C1QL2: variants seen among roughly 807,000 people sequenced by gnomAD.
C1QL2 encodes complement C1q-like protein 2.
C1QL2 carries 13 observed loss-of-function variants against 16.6 expected under a neutral mutation model. The observed-to-expected ratio is 0.78, with a 90% confidence interval of 0.51 to 1.25. The LOEUF (loss-of-function observed/expected upper bound fraction) is 1.25, where lower values mean the gene tolerates loss of function less well. C1QL2 is among the 50% of genes most tolerant of loss of function. C1QL2 has a pLI of 0.00. For synonymous variants in C1QL2, 210 were observed against 183.2 expected (o/e 1.15, Z -1.18); for missense variants, 396 against 409.6 (o/e 0.97, Z 0.29).
At position 119,156,925 on chromosome 2, in the gene C1QL2, G is replaced by A. The variant is rs1305287088; in HGVS notation, c.741C>T (p.Asn247=). The A allele has an allele frequency of 6.2e-7, 1 of 1,614,118 alleles. No homozygotes were observed. The highest frequency in any genetic ancestry group is 8.5e-7 in the Non-Finnish European group (1 of 1,179,954). Residue 247 remains asparagine (N), a synonymous_variant, in exon 2 of 2, where the codon AAC becomes AAT. Coordinates refer to ENST00000272520, the MANE Select transcript of C1QL2 (RefSeq NM_182528.4). ...CTGAATCCAAGTGCAGCACCACGCT[G>A]TTACTGGCGTAGTCGTAGTTCTGGT... The part of the protein sequence containing the change: ...DADQNYDYAS[N]SVVLHLDSGD...
At position 119,156,629 on chromosome 2, in the gene C1QL2, G is replaced by T; in HGVS notation, c.*173C>A. The T allele has an allele frequency of 1.3e-6, 1 of 742,090 alleles. No individual in the cohort carries two copies. Among genetic ancestry groups the T allele is most frequent in the Non-Finnish European group, 2.1e-6 (1 of 472,416 alleles). The allele number at this position is 742,090 out of a possible 1,614,324, so 46.0% of individuals were successfully genotyped here. On this transcript the variant is annotated 3_prime_UTR_variant, in exon 2 of 2. Coordinates refer to ENST00000272520, the MANE Select transcript of C1QL2 (RefSeq NM_182528.4). ...GACCAGGAGCACAGCCCTGAGCGTG[G>T]TGGGTCGCAGACGCACTGAGGCCAG...
rs1010889313 is a variant in C1QL2 at position 119,157,455 on chromosome 2, G to T, written c.684+131C>A. 3.6e-6 allele frequency: 4 copies of T among 1,124,398 alleles called. No individual in the cohort carries two copies. The Admixed American group carries it at 9.0e-5, about 25-fold the overall frequency. The allele number at this position is 1,124,398 out of a possible 1,614,324, so 69.7% of individuals were successfully genotyped here. On this transcript the variant is annotated intron_variant, in intron 1 of 1. Transcript: ENST00000272520. ...GCGCATCGGGAAGCGGAGATACTGT[G>T]GCACCGAGGCGCGTTCATTCCCGGG...
intron 1 of C1QL2, 131 bp downstream of exon 1, chr2:119,157,454 TG>T: frequency 8.9e-7 from 1 of 1,120,392 alleles, no homozygotes; most frequent in Non-Finnish European, 1.3e-6. Flanking sequence ...GGAGATACTG[TG>T]GCACCGAGGC....
Position 119,158,260 on chromosome 2 carries a change from C to A in C1QL2, c.10G>T (p.Gly4Trp), listed in dbSNP as rs1313971511. The A allele has an allele frequency of 2.6e-6, 4 of 1,539,140 alleles. No individual in the cohort carries two copies. The highest frequency in any genetic ancestry group is 1.7e-6 in the Non-Finnish European group (2 of 1,152,604). Residue 4 changes from glycine (G) to tryptophan (W), a missense_variant, in exon 1 of 2, where the codon GGG (glycine) becomes TGG (tryptophan). Around this residue, in one of 2 missense-constraint regions of C1QL2, gnomAD observed 353 missense variants for 334.8 expected, o/e 1.05. Coordinates refer to ENST00000272520, the MANE Select transcript of C1QL2 (RefSeq NM_182528.4). MAL[G>W]LLIAVPLLLQ... Reference sequence around the variant, plus strand: ...AGCAGCGGCACGGCGATGAGCAGCCCGAGCGCCATGGCCAAGAGTACGCCG... The same window carrying A: ...AGCAGCGGCACGGCGATGAGCAGCCAGAGCGCCATGGCCAAGAGTACGCCG...
In C1QL2 at chr2:119,158,018, CG is replaced by C; in HGVS notation, c.251del (p.Pro84ArgfsTer38). The C allele has an allele frequency of 6.5e-7, 1 of 1,527,020 alleles. No individual in the cohort carries two copies. The allele number at this position is 1,527,020 out of a possible 1,614,324, so 94.6% of individuals were successfully genotyped here. ...IQGPKGDPGR[P>X]GKPGPRGPPG... ...GGGGCCCCCGCGGCCCTGGCTTGCC[CG>C]GTCGCCCCGGGTCGCCCTTGGGTCC... On this transcript the variant is annotated frameshift_variant, in exon 1 of 2. Transcript: ENST00000272520. LOFTEE classifies it high-confidence loss of function.
Position 119,157,755 on chromosome 2 carries a change from T to C in C1QL2, c.515A>G (p.Tyr172Cys). The C allele has an allele frequency of 2.5e-6, 4 of 1,613,746 alleles. No homozygotes were observed. Among genetic ancestry groups the C allele is most frequent in the Non-Finnish European group, 3.4e-6 (4 of 1,179,842 alleles). ...CACGTCATCGAACTTCAGCACCTCA[T>C]AGCCTTCGTGGGGGCTCTTGAGACC... ...YVGLKSPHEGYEVLKFDDVVT... is the reference protein window; with the variant it reads ...YVGLKSPHEGCEVLKFDDVVT... The change falls in exon 1 of 2, where the codon TAT becomes TGT. Residue 172 changes from tyrosine to cysteine, a missense_variant. Physicochemically the swap from Tyr to Cys is radical, Grantham distance 194 (BLOSUM62 -2). Coordinates refer to ENST00000272520, the MANE Select transcript of C1QL2 (RefSeq NM_182528.4).
chr2:119,158,721 G>A lies in C1QL2; in HGVS notation c.-452C>T, dbSNP rs1377957369. 6.6e-6 allele frequency: 1 copy of A among 152,406 alleles called. No individual in the cohort carries two copies. Among genetic ancestry groups the A allele is most frequent in the African/African-American group, 2.4e-5 (1 of 41,462 alleles). The allele number at this position is 152,406 out of a possible 1,614,324, so 9.4% of individuals were successfully genotyped here. On this transcript the variant is annotated 5_prime_UTR_variant, in exon 1 of 2. Transcript: ENST00000272520. ...TGGGTTTAGTGGGGCTCCTAGCGCAGTGAGGGCGCCCCGGCTCCGCGGCGC... is the reference window on the plus strand; with the variant it reads ...TGGGTTTAGTGGGGCTCCTAGCGCAATGAGGGCGCCCCGGCTCCGCGGCGC...
Position 119,157,880 on chromosome 2 carries a change from C to T in C1QL2, c.390G>A (p.Gly130=). Reference sequence around the variant, plus strand: ...CTACCCCGGCCCCGCCGCCCACCACCCCGACGCCGCTGGCCGTGCCCGCCG... The same window carrying T: ...CTACCCCGGCCCCGCCGCCCACCACTCCGACGCCGCTGGCCGTGCCCGCCG... ...QLTAGTASGV[G]VVGGGAGVGG... The change falls in exon 1 of 2, where the codon GGG becomes GGA. Residue 130 remains glycine (G), a synonymous_variant. Coordinates refer to ENST00000272520, the MANE Select transcript of C1QL2 (RefSeq NM_182528.4). 6.3e-7 allele frequency: 1 copy of T among 1,577,402 alleles called. No homozygotes were observed. Among genetic ancestry groups the T allele is most frequent in the Non-Finnish European group, 8.6e-7 (1 of 1,162,376 alleles).
chr2:119,158,318 C>T lies in C1QL2; in HGVS notation c.-49G>A. 2 of 1,335,156 alleles carry T rather than the reference C, an allele frequency of 1.5e-6. No individual in the cohort carries two copies. Among genetic ancestry groups the T allele is most frequent in the South Asian group, 1.9e-5 (1 of 51,544 alleles). 82.7% of individuals were successfully genotyped at this position (1,335,156 alleles called of 1,614,324 possible). ...CCAGGCAGGCACGCCGCCGCCGCTG[C>T]CACAGCCGGGAGGCGACCGCCACCA... On this transcript the variant is annotated 5_prime_UTR_variant, in exon 1 of 2. Coordinates refer to ENST00000272520, the MANE Select transcript of C1QL2 (RefSeq NM_182528.4).
rs1677962659 is a variant in C1QL2, at chr2:119,156,489, T to G, written c.*313A>C. The G allele has an allele frequency of 4.5e-6, 1 of 221,554 alleles. No homozygotes were observed. The highest frequency in any genetic ancestry group is 1.0e-4 in the East Asian group (1 of 9,792). The allele number at this position is 221,554 out of a possible 1,614,324, so 13.7% of individuals were successfully genotyped here. On this transcript the variant is annotated 3_prime_UTR_variant, in exon 2 of 2. Coordinates refer to ENST00000272520, the MANE Select transcript of C1QL2 (RefSeq NM_182528.4). ...GCTTCTAGGCACTGGGAGGAGGCTG[T>G]CTGAGGAGGGCAGGCTCCCGGCCCT...
Position 119,157,858 on chromosome 2 carries a change from C to T in C1QL2, c.412G>A (p.Val138Ile), listed in dbSNP as rs760320943. The T allele has an allele frequency of 2.9e-5, 46 of 1,584,250 alleles. No individual in the cohort carries two copies. Among genetic ancestry groups the T allele is most frequent in the Non-Finnish European group, 3.8e-5 (44 of 1,165,984 alleles). Residue 138 changes from valine (V) to isoleucine (I), a missense_variant, in exon 1 of 2, where the codon GTA becomes ATA. Physicochemically the swap from Val to Ile is conservative, Grantham distance 29. Around this residue, in one of 2 missense-constraint regions of C1QL2, gnomAD observed 353 missense variants for 334.8 expected, o/e 1.05. Coordinates refer to ENST00000272520, the MANE Select transcript of C1QL2 (RefSeq NM_182528.4). ...ACTTCACCCTCGGAATCGCCACCTA[C>T]CCCGGCCCCGCCGCCCACCACCCCG... ...GVGVVGGGAG[V>I]GGDSEGEVTS...
rs1677964932 is a variant in C1QL2 at position 119,156,569 on chromosome 2, G to A, written c.*233C>T. 1 of 515,476 alleles carries A rather than the reference G, an allele frequency of 1.9e-6. No homozygotes were observed. The allele number at this position is 515,476 out of a possible 1,614,324, so 31.9% of individuals were successfully genotyped here. On this transcript the variant is annotated 3_prime_UTR_variant, in exon 2 of 2. Transcript: ENST00000272520. The stretch of plus-strand genomic sequence containing the variant: ...TCTGTGCCGCCGCCTCAAGGGCTCG[G>A]GCGTCCCTTCCTCCCTTGCCGGGAT...
chr2:119,158,152 G>C lies in C1QL2; in HGVS notation c.118C>G (p.Pro40Ala). ...RMICDPYTAAPGGEPPGAKAQ... is the reference protein window; with the variant it reads ...RMICDPYTAAAGGEPPGAKAQ... ...TTTGCACCCGGGGGCTCCCCGCCGG[G>C]CGCGGCAGTGTAAGGGTCGCAGATC... The change falls in exon 1 of 2, where the codon CCC becomes GCC. Residue 40 changes from proline to alanine, a missense_variant. This residue lies in a region of C1QL2 where 353 missense variants were observed against 334.8 expected (regional missense o/e 1.05). Transcript: ENST00000272520. The C allele has an allele frequency of 6.4e-7, 1 of 1,568,630 alleles. No individual in the cohort carries two copies.
Position 119,157,961 on chromosome 2 carries a change from G to C in C1QL2, c.309C>G (p.Gly103=), listed in dbSNP as rs1445870772. 4.6e-6 allele frequency: 7 copies of C among 1,531,884 alleles called. No homozygotes were observed. The highest frequency in any genetic ancestry group is 8.8e-7 in the Non-Finnish European group (1 of 1,138,424). The allele number at this position is 1,531,884 out of a possible 1,614,324, so 94.9% of individuals were successfully genotyped here. Residue 103 remains glycine, a synonymous_variant, in exon 1 of 2, where the codon GGC becomes GGG. Coordinates refer to ENST00000272520, the MANE Select transcript of C1QL2 (RefSeq NM_182528.4). ...PGEPGPPGPR[G]PPGEKGDSGR... ...CCGAGTCGCCCTTCTCTCCCGGAGG[G>C]CCCCTGGGTCCAGGCGGGCCCGGCT... is the stretch of plus-strand genomic sequence containing the variant.
chr2:119,158,505 C>G lies in C1QL2; in HGVS notation c.-236G>C, dbSNP rs979249520. ...AGCGAGAGGCGCCGGGACCTCTGAG[C>G]CTGGGCCCACCGCGCTGGGGCTGGT... On this transcript the variant is annotated 5_prime_UTR_variant, in exon 1 of 2. Transcript: ENST00000272520. The G allele has an allele frequency of 1.1e-5, 3 of 280,584 alleles. No individual in the cohort carries two copies. In the Admixed American group the frequency reaches 1.6e-4, roughly 15 times the overall value. The allele number at this position is 280,584 out of a possible 1,614,324, so 17.4% of individuals were successfully genotyped here.
At position 119,158,208 on chromosome 2, in the gene C1QL2, G is replaced by A; in HGVS notation, c.62C>T (p.Ala21Val). 6.3e-7 allele frequency: 1 copy of A among 1,575,308 alleles called. No homozygotes were observed. Among genetic ancestry groups the A allele is most frequent in the South Asian group, 1.1e-5 (1 of 87,650 alleles). ...GCAGGTGCCCATCATCTCATAGTGC[G>A]CGGCGCCTCGGGGCGCCGCCTGCAG... Reference protein sequence around the residue: ...LLLQAAPRGAAHYEMMGTCRM... With the variant: ...LLLQAAPRGAVHYEMMGTCRM... Residue 21 changes from alanine to valine, a missense_variant, in exon 1 of 2, where the codon GCG becomes GTG. By Grantham distance (64) the Ala-to-Val change is moderately conservative. This residue lies in a region of C1QL2 where 353 missense variants were observed against 334.8 expected (regional missense o/e 1.05). Coordinates refer to ENST00000272520, the MANE Select transcript of C1QL2 (RefSeq NM_182528.4).
At position 119,158,246 on chromosome 2, in the gene C1QL2, G is replaced by A. The variant is rs1474728215; in HGVS notation, c.24C>T (p.Ala8=). ...GCGCCGCCTGCAGCAGCAGCGGCAC[G>A]GCGATGAGCAGCCCGAGCGCCATGG... The part of the protein sequence containing the change: MALGLLI[A]VPLLLQAAPR... The change falls in exon 1 of 2, where the codon GCC becomes GCT. Residue 8 remains alanine, a synonymous_variant. Transcript: ENST00000272520. 21 of 1,565,828 alleles carry A rather than the reference G, an allele frequency of 1.3e-5. No homozygotes were observed. The highest frequency in any genetic ancestry group is 1.6e-5 in the Non-Finnish European group (19 of 1,162,346).
rs1183874423 is a variant in C1QL2 at position 119,156,750 on chromosome 2, C to A, written c.*52G>T. 8.9e-6 allele frequency: 14 copies of A among 1,575,250 alleles called. No individual in the cohort carries two copies. Among genetic ancestry groups the A allele is most frequent in the Non-Finnish European group, 1.2e-5 (14 of 1,162,892 alleles). On this transcript the variant is annotated 3_prime_UTR_variant, in exon 2 of 2. Transcript: ENST00000272520. ...GTGGCCTTTGCCAAGGAGCCGCGCC[C>A]GGGCGGAGACCGGGCGGCCTGCAGC...
Position 119,156,847 on chromosome 2 carries a change from A to G in C1QL2, c.819T>C (p.Asn273=). Residue 273 remains asparagine (N), a synonymous_variant, in exon 2 of 2, where the codon AAT becomes AAC. Transcript: ENST00000272520. ...AGCCCGAGAACGTGCTGTACTTGTT[A>G]TTATTGCCTCCGTGAGCCTTCCCGC... is the stretch of plus-strand genomic sequence containing the variant. ...LDGGKAHGGN[N]NKYSTFSGFL... 1.2e-6 allele frequency: 2 copies of G among 1,613,968 alleles called. No individual in the cohort carries two copies. Among genetic ancestry groups the G allele is most frequent in the Non-Finnish European group, 1.7e-6 (2 of 1,179,894 alleles).
Sources: allele counts gnomAD v4.1 joint callset, GRCh38; gene constraint gnomAD v4.1.1; regional missense constraint gnomAD v4.1.1; transcripts MANE v1.5; gene names NCBI Gene and HGNC (gene_info 2026-07-23, HGNC 2026-07-21).